Variants in PKHD1 observed in about 807,000 individuals in gnomAD.
PKHD1 encodes the protein fibrocystin.
Under a neutral mutation model 412.0 loss-of-function variants are expected in PKHD1, and 291 were observed. That is an observed-to-expected ratio of 0.71 (90% confidence interval 0.64 to 0.78). The LOEUF is 0.78. PKHD1 is among the 30% of genes least tolerant of loss of function. PKHD1 has a pLI of 0.00. For missense variants in PKHD1, 4,825 were observed against 4,950.7 expected, an observed-to-expected ratio of 0.97 and a Z score of 0.76; for synonymous variants, 1,777 against 1,821.5, an observed-to-expected ratio of 0.98 and a Z score of 0.62.
intron 66 of PKHD1, among the ~76,000 whole-genome samples, chr6:51,620,759 A>T (rs1766502037): frequency 6.7e-6 from 1 of 149,206 alleles, no homozygotes; most frequent in Admixed American, 6.7e-5. Flanking sequence ...TGAGGTAAGG[A>T]TGAGAGAAAG....
chr6:51,741,298 C>G (rs1231463854), intron 60 of PKHD1: 1 of 484,816 alleles, frequency 2.1e-6, no homozygotes, highest in Non-Finnish European at 4.1e-6. Context: ...ATTTTTGGCA[C>G]TCACCTTCAT....
chr6:51,967,301 A>T (rs1465026985), intron 35 of PKHD1, among the ~76,000 whole-genome samples: 3 of 152,136 alleles, frequency 2.0e-5, no homozygotes, highest in African/African-American at 7.2e-5. Context: ...TGGCCCACAA[A>T]GCCTGAAATA....
In PKHD1 at chr6:51,659,875, G is replaced by T. The variant is rs372394177; in HGVS notation, c.10251C>A (p.Ser3417Arg). The T allele has an allele frequency of 6.2e-6, 10 of 1,613,090 alleles. No individual in the cohort carries two copies. Among genetic ancestry groups the T allele is most frequent in the Non-Finnish European group, 8.5e-6 (10 of 1,179,366 alleles). ...QTDQVVLILD[S>R]ADAIWAIQKL... is the part of the protein sequence containing the mutation. ...TCTGAATTGCCCAAATGGCATCAGC[G>T]CTATCAAGAATTAGGACCACTTGGT... The change falls in exon 61 of 67, where the codon AGC (serine) becomes AGA (arginine). Residue 3417 changes from serine (S) to arginine (R), a missense_variant. Transcript: ENST00000371117.
rs1554156558 is a variant in PKHD1, at chr6:51,950,210, G to GAGAA, written c.5908+9659_5908+9660insTTCT. On this transcript the variant is annotated intron_variant, in intron 36 of 66. Coordinates refer to ENST00000371117, the MANE Select transcript of PKHD1 (RefSeq NM_138694.4). ...ACTGCAGTCAAATGGGCAATATAGAGAAAAAAAAAAATATATATATATATA... is the reference window on the plus strand; with the variant it reads ...ACTGCAGTCAAATGGGCAATATAGAGAGAAAAAAAAAAAAATATATATATATATA... Among the ~76,000 whole-genome samples the GAGAA allele has an allele frequency of 6.5e-3, 737 of 113,124 alleles. 27 individuals carry two copies. The East Asian group carries it at 0.066, about 10-fold the overall frequency. The allele number at this position is 113,124 out of a possible 152,430, so 74.2% of individuals were successfully genotyped here.
chr6:52,050,627 C>G (rs187534432), intron 21 of PKHD1, among the ~76,000 whole-genome samples: 56 of 152,326 alleles, frequency 3.7e-4, no homozygotes, highest in African/African-American at 1.3e-3. Context: ...TAGCCTGCCA[C>G]CCTTTCCTCC....
chr6:51,851,065 G>A (rs1772140078), intron 49 of PKHD1, among the ~76,000 whole-genome samples: 2 of 152,208 alleles, frequency 1.3e-5, no homozygotes, highest in African/African-American at 4.8e-5. Context: ...TTTGAGATAT[G>A]TTCCATCAAT....
At chr6:51,974,425 A>G (rs1226091957) in intron 35 of PKHD1, among the ~76,000 whole-genome samples, 2 of 152,206 alleles carry the variant, frequency 1.3e-5, no homozygotes, top group Non-Finnish European at 2.9e-5. Flanking sequence ...CAGTTTGAGA[A>G]TATTTAATGA....
At chr6:52,035,871 G>C in intron 27 of PKHD1, 150 bp from the exon 28 acceptor site, 1 of 768,614 alleles carries the variant, frequency 1.3e-6, no homozygotes, top group Admixed American at 2.1e-5. Flanking sequence ...AAAAACTGGA[G>C]TTAAATATAT....
intron 60 of PKHD1, among the ~76,000 whole-genome samples, chr6:51,688,025 T>C (rs1383561105): frequency 1.3e-5 from 2 of 152,212 alleles, no homozygotes; most frequent in Admixed American, 1.3e-4. Context: ...GCAATGTGAC[T>C]TTTTTATGTC....
At chr6:51,863,130 G>A (rs897992686) in intron 48 of PKHD1, among the ~76,000 whole-genome samples, 1 of 152,116 alleles carries the variant, frequency 6.6e-6, no homozygotes, top group African/African-American at 2.4e-5. Flanking sequence ...AACAAAAAGC[G>A]GTAAAGTAAC....
chr6:51,710,080 G>A (rs564722791), intron 60 of PKHD1, among the ~76,000 whole-genome samples: 1 of 152,066 alleles, frequency 6.6e-6, no homozygotes, highest in South Asian at 2.1e-4. Context: ...CATGGTGGCG[G>A]CTGCCTGTAA....
intron 53 of PKHD1, among the ~76,000 whole-genome samples, chr6:51,790,888 T>C (rs1027037524): frequency 2.6e-5 from 4 of 152,198 alleles, no homozygotes; most frequent in East Asian, 1.9e-4. Context: ...ATCCATCCTA[T>C]GATATCTTCT....
chr6:52,023,946 GT>G (rs1801764789), intron 32 of PKHD1, among the ~76,000 whole-genome samples: 1 of 152,164 alleles, frequency 6.6e-6, no homozygotes. Context: ...CTAAGATTCT[GT>G]TTCTATAGTT....
chr6:51,948,086 AC>A (rs757002560), intron 36 of PKHD1, among the ~76,000 whole-genome samples: 3 of 152,052 alleles, frequency 2.0e-5, no homozygotes, highest in Non-Finnish European at 4.4e-5. Context: ...CCAACCACTT[AC>A]CACCTCCACA....
intron 52 of PKHD1, among the ~76,000 whole-genome samples, chr6:51,809,767 G>A (rs1764403726): frequency 6.6e-6 from 1 of 150,858 alleles, no homozygotes; most frequent in African/African-American, 2.4e-5. Context: ...ATTGTCTATT[G>A]CATTTTCTAA....
intron 27 of PKHD1, among the ~76,000 whole-genome samples, chr6:52,041,210 T>C (rs1012113756): frequency 1.3e-5 from 2 of 152,246 alleles, no homozygotes; most frequent in East Asian, 1.9e-4. Flanking sequence ...TCATTACATA[T>C]GCAAATATTC....
At chr6:52,043,231 C>T (rs765443245) in intron 26 of PKHD1, 97 bp from the exon 27 acceptor site, 34 of 971,654 alleles carry the variant, frequency 3.5e-5, no homozygotes, top group Admixed American at 6.8e-5. Flanking sequence ...TGTTCCTTCT[C>T]TGCCCCCATC....
chr6:51,820,732 T>C (rs953246132), intron 52 of PKHD1, among the ~76,000 whole-genome samples: 3 of 152,138 alleles, frequency 2.0e-5, no homozygotes, highest in Admixed American at 2.0e-4. Context: ...GAGCCAACTA[T>C]GCCATTCCTG....
chr6:51,644,271 G>A (rs1032176550), intron 63 of PKHD1, among the ~76,000 whole-genome samples: 17 of 151,664 alleles, frequency 1.1e-4, no homozygotes, highest in African/African-American at 3.9e-4. Flanking sequence ...TTAACTTGGA[G>A]ACTTTATTAC....
Sources: gnomAD v4.1 joint callset for allele counts (sites outside exome capture counted in the v4.1 genomes callset) on GRCh38, gnomAD v4.1.1 for gene constraint, MANE v1.5 for transcripts, NCBI Gene and HGNC (gene_info 2026-07-23, HGNC 2026-07-21) for gene names.